The following SLC13A5 variants were observed in gnomAD, a reference collection of about 807,000 sequenced individuals.
SLC13A5 encodes solute carrier family 13 member 5.
Under a neutral mutation model 56.5 loss-of-function variants are expected in SLC13A5, and 25 were observed. That is an observed-to-expected ratio of 0.44 (90% CI 0.32 to 0.62). The LOEUF (loss-of-function observed/expected upper bound fraction) is 0.62, where lower values mean the gene tolerates loss of function less well. SLC13A5 is among the 20% of genes least tolerant of loss of function. The probability of loss-of-function intolerance (pLI) is 0.04; values close to 1 mark genes in which losing one functional copy is unlikely to be tolerated. For missense variants in SLC13A5, 649 were observed against 737.8 expected (o/e 0.88, Z 1.39); for synonymous variants, 307 against 301.5 (o/e 1.02, Z -0.19).
chr17:6,691,048 C>G (rs1408802699), intron 9 of SLC13A5, 108 bp from the exon 10 acceptor site: 13 of 1,212,380 alleles, frequency 1.1e-5, no homozygotes, highest in Non-Finnish European at 1.5e-5. Context: ...CTCTCTACAC[C>G]TCATAGGTGA....
rs1208908015 is a variant in SLC13A5 at position 6,701,601 on chromosome 17, T to C, written c.717-475A>G. ...GGCGGGCGCCTGTAATCCCAGCTAATAGGGAGGCTGAAGCGGGAGAATCGC... is the reference window on the plus strand; with the variant it reads ...GGCGGGCGCCTGTAATCCCAGCTAACAGGGAGGCTGAAGCGGGAGAATCGC... On this transcript the variant is annotated intron_variant, in intron 5 of 11. Coordinates refer to ENST00000433363, the MANE Select transcript of SLC13A5 (RefSeq NM_177550.5). The surrounding 1 kb of genome is among the most constrained non-coding windows in gnomAD (Gnocchi z 4.1). 6.6e-6 allele frequency among the ~76,000 whole-genome samples: 1 copy of C among 151,896 alleles called. No individual in the cohort carries two copies. Among genetic ancestry groups the C allele is most frequent in the Admixed American group, 6.6e-5 (1 of 15,258 alleles).
chr17:6,706,814 C>G (rs1973880267), intron 2 of SLC13A5, 36 bp from the exon 3 acceptor site: 2 of 1,610,312 alleles, frequency 1.2e-6, no homozygotes, highest in African/African-American at 2.7e-5. Flanking sequence ...CAGGACTGTC[C>G]CTTGCCACAC....
Position 6,687,768 on chromosome 17 carries a change from C to T in SLC13A5, c.1438-102G>A. Reference sequence around the variant, plus strand: ...CTGAATGTGCCGGGTACGTTTGAACCTCTGTGCCTCAGTCTTGGTTCCTCT... The same window carrying T: ...CTGAATGTGCCGGGTACGTTTGAACTTCTGTGCCTCAGTCTTGGTTCCTCT... On this transcript the variant is annotated intron_variant, in intron 10 of 11. Coordinates refer to ENST00000433363, the MANE Select transcript of SLC13A5 (RefSeq NM_177550.5). The surrounding 1 kb of genome is among the most constrained non-coding windows in gnomAD (Gnocchi z 5.0). 2 of 1,380,800 alleles carry T rather than the reference C, an allele frequency of 1.4e-6. No homozygotes were observed. Among genetic ancestry groups the T allele is most frequent in the Non-Finnish European group, 9.5e-7 (1 of 1,049,498 alleles). The allele number at this position is 1,380,800 out of a possible 1,614,324, so 85.5% of individuals were successfully genotyped here.
intron 1 of SLC13A5, among the ~76,000 whole-genome samples, chr17:6,707,647 G>A (rs1400894765): frequency 1.3e-5 from 2 of 152,260 alleles, no homozygotes; most frequent in African/African-American, 4.8e-5. Flanking sequence ...TTTTGAGATG[G>A]AGTGTCGCTC....
intron 3 of SLC13A5, 191 bp from the exon 4 acceptor site, chr17:6,704,247 C>T: frequency 1.4e-6 from 1 of 706,386 alleles, no homozygotes; most frequent in Non-Finnish European, 2.6e-6. Context: ...TCTTTGCTTC[C>T]TCCATTCCTC....
rs754568368 is a variant in SLC13A5, at chr17:6,707,019, T to C, written c.231+9A>G. On this transcript the variant is annotated intron_variant, in intron 2 of 11. Coordinates refer to ENST00000433363, the MANE Select transcript of SLC13A5 (RefSeq NM_177550.5). ...CAGAAAGTCACCAGGATCCCTTGGGTCTGCTCACCTGCCTGGAGTCCAGAA... is the reference window on the plus strand; with the variant it reads ...CAGAAAGTCACCAGGATCCCTTGGGCCTGCTCACCTGCCTGGAGTCCAGAA... 1 of 1,613,584 alleles carries C rather than the reference T, an allele frequency of 6.2e-7. No homozygotes were observed. Among genetic ancestry groups the C allele is most frequent in the South Asian group, 1.1e-5 (1 of 91,034 alleles).
Position 6,694,158 on chromosome 17 carries a change from G to C in SLC13A5, c.1095C>G (p.Thr365=), listed in dbSNP as rs139660928. 115 of 1,613,412 alleles carry C rather than the reference G, an allele frequency of 7.1e-5. No individual in the cohort carries two copies. The African/African-American group carries it at 7.6e-4, about 11-fold the overall frequency. ...TCTGTGAAGGCACAATGAATAGCAG[G>C]GTGGCCACAAAGATGGCCACAGTGG... ...SDATVAIFVA[T]LLFIVPSQKP... Residue 365 remains threonine, a synonymous_variant, in exon 8 of 12, where the codon ACC becomes ACG. Coordinates refer to ENST00000433363, the MANE Select transcript of SLC13A5 (RefSeq NM_177550.5).
chr17:6,687,297 G>A lies in SLC13A5; in HGVS notation c.1575+232C>T. 2 of 532,308 alleles carry A rather than the reference G, an allele frequency of 3.8e-6. No individual in the cohort carries two copies. The highest frequency in any genetic ancestry group is 3.9e-5 in the Admixed American group (1 of 25,430). The allele number at this position is 532,308 out of a possible 1,614,324, so 33.0% of individuals were successfully genotyped here. ...GGTGCCTGCACAGGCTTCTCCAGGTGGGAGAGTCTATAACCCACCTCAGAG... is the reference window on the plus strand; with the variant it reads ...GGTGCCTGCACAGGCTTCTCCAGGTAGGAGAGTCTATAACCCACCTCAGAG... On this transcript the variant is annotated intron_variant, in intron 11 of 11. Transcript: ENST00000433363. The surrounding 1 kb of genome is among the most constrained non-coding windows in gnomAD (Gnocchi z 5.0).
chr17:6,691,855 G>T (rs552765328), intron 9 of SLC13A5, among the ~76,000 whole-genome samples: 4 of 152,128 alleles, frequency 2.6e-5, no homozygotes, highest in Non-Finnish European at 4.4e-5. Context: ...CTGCATTCAC[G>T]ATCAAGTCCA....
chr17:6,693,059 CA>C lies in SLC13A5; in HGVS notation c.1259del (p.Leu420ArgfsTer31). 1 of 1,614,062 alleles carries C rather than the reference CA, an allele frequency of 6.2e-7. No homozygotes were observed. The highest frequency in any genetic ancestry group is 1.1e-5 in the South Asian group (1 of 91,082). ...IVLLLGGGFA[L>X]AKGSEASGLS... ...GAGAAGTTACCTCGGATCCTTTAGC[CA>C]GAGCAAATCCGCCCCCTAGTAGCAG... is the stretch of plus-strand genomic sequence containing the variant. On this transcript the variant is annotated frameshift_variant, in exon 9 of 12. Coordinates refer to ENST00000433363, the MANE Select transcript of SLC13A5 (RefSeq NM_177550.5). LOFTEE classifies it high-confidence loss of function.
rs571358167 is a variant in SLC13A5 at position 6,695,305 on chromosome 17, G to A, written c.1055+421C>T. ...CCAAAAGAGGAAAAGTCTTGACCAA[G>A]CATGAGTGCCTGGCCCACATTCCTC... On this transcript the variant is annotated intron_variant, in intron 7 of 11. Transcript: ENST00000433363. 5.3e-5 allele frequency: 9 copies of A among 170,826 alleles called. No homozygotes were observed. In the South Asian group the frequency reaches 1.3e-3, roughly 25 times the overall value. The allele number at this position is 170,826 out of a possible 1,614,324, so 10.6% of individuals were successfully genotyped here.
intron 11 of SLC13A5, chr17:6,686,625 A>AAAC (rs1973259555): frequency 2.8e-6 from 1 of 360,444 alleles, no homozygotes; most frequent in African/African-American, 2.1e-5. Context: ...CCATTCAGGG[A>AAAC]AACGGTCACA....
In SLC13A5 at chr17:6,711,673, CTG is replaced by C. The variant is rs531385932; in HGVS notation, c.102+1557_102+1558del. 6.8e-6 allele frequency among the ~76,000 whole-genome samples: 1 copy of C among 147,898 alleles called. No individual in the cohort carries two copies. Among genetic ancestry groups the C allele is most frequent in the Non-Finnish European group, 1.5e-5 (1 of 66,626 alleles). ...TGTGTCTGTGTGTTTGTGTGTGTGTCTGTGTGTGTTTGTGAGTGTGTGTGTGT... is the reference window on the plus strand; with the variant it reads ...TGTGTCTGTGTGTTTGTGTGTGTGTCTGTGTGTTTGTGAGTGTGTGTGTGT... On this transcript the variant is annotated intron_variant, in intron 1 of 11. Coordinates refer to ENST00000433363, the MANE Select transcript of SLC13A5 (RefSeq NM_177550.5). The surrounding 1 kb of genome is among the most constrained non-coding windows in gnomAD (Gnocchi z 4.0).
rs1597673184 is a variant in SLC13A5 at position 6,704,064 on chromosome 17, G to T, written c.369-8C>A. 1 of 1,605,966 alleles carries T rather than the reference G, an allele frequency of 6.2e-7. No individual in the cohort carries two copies. On this transcript the variant is annotated splice_region_variant and splice_polypyrimidine_tract_variant and intron_variant, in intron 3 of 11. Coordinates refer to ENST00000433363, the MANE Select transcript of SLC13A5 (RefSeq NM_177550.5). Reference sequence around the variant, plus strand: ...ATGAAGCCCAGCATCAGCCTGCAGAGGAGGGGCAGGGAGGAAAGCCAGAGA... The same window carrying T: ...ATGAAGCCCAGCATCAGCCTGCAGATGAGGGGCAGGGAGGAAAGCCAGAGA...
At position 6,702,951 on chromosome 17, in the gene SLC13A5, G is replaced by A. The variant is rs1973753277; in HGVS notation, c.716+19C>T. 3 of 1,605,378 alleles carry A rather than the reference G, an allele frequency of 1.9e-6. No homozygotes were observed. In the East Asian group the frequency reaches 6.7e-5, roughly 36 times the overall value. On this transcript the variant is annotated intron_variant, in intron 5 of 11. Transcript: ENST00000433363. Reference sequence around the variant, plus strand: ...GGTACCCACTTCGTTGTCCCCAGAAGGTGCGACCAAGGACTCACTCGTTCA... The same window carrying A: ...GGTACCCACTTCGTTGTCCCCAGAAAGTGCGACCAAGGACTCACTCGTTCA...
In SLC13A5 at chr17:6,685,015, G is replaced by A. The variant is rs1973202084; in HGVS notation, c.*1192C>T. 6.6e-6 allele frequency: 1 copy of A among 152,196 alleles called. No individual in the cohort carries two copies. Among genetic ancestry groups the A allele is most frequent in the Non-Finnish European group, 1.5e-5 (1 of 68,042 alleles). The allele number at this position is 152,196 out of a possible 1,614,324, so 9.4% of individuals were successfully genotyped here. A position where few individuals can be genotyped will look rare whatever the true frequency, so the allele number is the denominator to read the frequency against. On this transcript the variant is annotated 3_prime_UTR_variant, in exon 12 of 12. Transcript: ENST00000433363. The surrounding 1 kb of genome is among the most constrained non-coding windows in gnomAD (Gnocchi z 4.2). ...TTCCCACAGCCTCTCTGGAGTTGTTGCCCCACTTTGGGGTCTTTGTCCGAG... is the reference window on the plus strand; with the variant it reads ...TTCCCACAGCCTCTCTGGAGTTGTTACCCCACTTTGGGGTCTTTGTCCGAG...
In SLC13A5 at chr17:6,703,006, G is replaced by A. The variant is rs587777577; in HGVS notation, c.680C>T (p.Thr227Met). The change falls in exon 5 of 12, where the codon ACG (threonine) becomes ATG (methionine). Residue 227 changes from threonine (T) to methionine (M), a missense_variant. Thr to Met is a moderately conservative substitution (Grantham distance 81). Transcript: ENST00000433363. The stretch of plus-strand genomic sequence containing the variant: ...GCCCAGGAGCACCACGTTGGGTCCC[G>A]TCCCGGTCAGGGTGGCGGTGCCCCC... ...SIGGTATLTG[T>M]GPNVVLLGQM... The A allele has an allele frequency of 1.7e-5, 27 of 1,614,098 alleles. No individual in the cohort carries two copies. The highest frequency in any genetic ancestry group is 3.3e-5 in the South Asian group (3 of 91,084).
intron 6 of SLC13A5, among the ~76,000 whole-genome samples, chr17:6,698,279 A>G (rs972457479): frequency 6.6e-6 from 1 of 151,522 alleles, no homozygotes; most frequent in Non-Finnish European, 1.5e-5. Flanking sequence ...TGCTGCAGAC[A>G]CTCTCAGGCT....
chr17:6,696,109 G>C (rs145372267), intron 6 of SLC13A5, among the ~76,000 whole-genome samples, 168 bp from the exon 7 acceptor site: 6 of 152,318 alleles, frequency 3.9e-5, no homozygotes, highest in Non-Finnish European at 5.9e-5. Context: ...TCCCTCTCCT[G>C]TTCTTCCATC....
Sources: allele counts gnomAD v4.1 joint callset (sites outside exome capture counted in the v4.1 genomes callset), GRCh38; gene constraint gnomAD v4.1.1; non-coding constraint Gnocchi (gnomAD v3.1); transcripts MANE v1.5; gene names NCBI Gene and HGNC (gene_info 2026-07-23, HGNC 2026-07-21).